Variants in TNPO2 observed in about 807,000 individuals in gnomAD.
TNPO2 encodes transportin 2.
TNPO2 carries 16 observed loss-of-function variants against 111.1 expected under a neutral mutation model. The ratio of observed to expected loss-of-function variants is 0.14; its 90% CI spans 0.10 to 0.22. The LOEUF (loss-of-function observed/expected upper bound fraction) is 0.22. Among genes scored for constraint, TNPO2 ranks in the 10% least tolerant of loss-of-function variants. The pLI is 1.00. For missense variants in TNPO2, 530 were observed against 1,173.7 expected (o/e 0.45, Z 8.01); for synonymous variants, 481 against 475.8 (o/e 1.01, Z -0.14).
In TNPO2 at chr19:12,719,843, G is replaced by C. The variant is rs149248284; in HGVS notation, c.100-507C>G. Among the ~76,000 whole-genome samples the C allele has an allele frequency of 1.0e-3, 157 of 151,448 alleles. 3 individuals are homozygous for C. The East Asian group carries it at 0.028, about 27-fold the overall frequency. On this transcript the variant is annotated intron_variant, in intron 3 of 25. Transcript: ENST00000425528. The surrounding 1 kb of genome is among the most constrained non-coding windows in gnomAD (Gnocchi z 5.0). ...CAAGGAGTTGGGTGGAAATGTCTGA[G>C]TTTCCCATCCACTCCTGAAGACCCA... is the stretch of plus-strand genomic sequence containing the variant.
rs1436319021 is a variant in TNPO2 at position 12,721,236 on chromosome 19, G to A, written c.-13-246C>T. ...AACGGGCCACAGGCGGCGGCGGCGG[G>A]GCCCGGCGGATCCTCATGGGACCCA... On this transcript the variant is annotated intron_variant, in intron 2 of 25. Coordinates refer to ENST00000425528, the MANE Select transcript of TNPO2 (RefSeq NM_001382241.1). The surrounding 1 kb of genome is among the most constrained non-coding windows in gnomAD (Gnocchi z 4.9). The A allele has an allele frequency of 7.6e-7, 1 of 1,309,068 alleles. No homozygotes were observed. Among genetic ancestry groups the A allele is most frequent in the South Asian group, 1.6e-5 (1 of 63,278 alleles). The allele number at this position is 1,309,068 out of a possible 1,614,324, so 81.1% of individuals were successfully genotyped here. A position where few individuals can be genotyped will look rare whatever the true frequency, so the allele number is the denominator to read the frequency against.
At chr19:12,708,824 T>C (rs956650366) in intron 13 of TNPO2, among the ~76,000 whole-genome samples, 1 of 151,658 alleles carries the variant, frequency 6.6e-6, no homozygotes, top group African/African-American at 2.4e-5. Context: ...TGAGTCAAGA[T>C]TGCGCCATTG....
chr19:12,718,407 C>T (rs373636189), intron 5 of TNPO2, among the ~76,000 whole-genome samples: 20 of 152,108 alleles, frequency 1.3e-4, no homozygotes, highest in Non-Finnish European at 2.8e-4. Flanking sequence ...CCTTGTGATC[C>T]GCCCACCTCA....
chr19:12,718,171 AT>A (rs112380697), intron 5 of TNPO2, among the ~76,000 whole-genome samples: 17,696 of 141,598 alleles, frequency 0.12, 3,035 homozygotes, highest in African/African-American at 0.4. Flanking sequence ...CGCCCAGCTA[AT>A]TTTTTTTTTT....
At position 12,706,061 on chromosome 19, in the gene TNPO2, G is replaced by T. The variant is rs1461947748; in HGVS notation, c.1668+135C>A. The T allele has an allele frequency of 2.0e-6, 2 of 986,080 alleles. No individual in the cohort carries two copies. The highest frequency in any genetic ancestry group is 1.6e-5 in the African/African-American group (1 of 61,488). The allele number at this position is 986,080 out of a possible 1,614,324, so 61.1% of individuals were successfully genotyped here. ...CCCCACTAGACTGGGAGCAGGGCGA[G>T]GGCGGGGCCGGGTCTGTCTGTCTGC... On this transcript the variant is annotated intron_variant, in intron 15 of 25. Coordinates refer to ENST00000425528, the MANE Select transcript of TNPO2 (RefSeq NM_001382241.1). The surrounding 1 kb of genome is among the most constrained non-coding windows in gnomAD (Gnocchi z 7.0).
Position 12,702,730 on chromosome 19 carries a change from T to C in TNPO2, c.2305+93A>G. The C allele has an allele frequency of 8.4e-7, 1 of 1,196,188 alleles. No homozygotes were observed. The highest frequency in any genetic ancestry group is 1.2e-6 in the Non-Finnish European group (1 of 816,160). 74.1% of individuals were successfully genotyped at this position (1,196,188 alleles called of 1,614,324 possible). A position where few individuals can be genotyped will look rare whatever the true frequency, so the allele number is the denominator to read the frequency against. The stretch of plus-strand genomic sequence containing the variant: ...ACTTCCAGACACCCTCCTTGGTTCC[T>C]TGACAAGGCTCTTTCTGATGCCCTT... On this transcript the variant is annotated intron_variant, in intron 21 of 25. Transcript: ENST00000425528. The surrounding 1 kb of genome is among the most constrained non-coding windows in gnomAD (Gnocchi z 5.5).
In TNPO2 at chr19:12,701,743, T is replaced by G. The variant is rs758717428; in HGVS notation, c.2511+9A>C. ...CCCGCGCCTGCCCTCAGAGCCCAGCTGCCCCAACCTGCACAACGCCCCCCG... is the reference window on the plus strand; with the variant it reads ...CCCGCGCCTGCCCTCAGAGCCCAGCGGCCCCAACCTGCACAACGCCCCCCG... On this transcript the variant is annotated intron_variant, in intron 23 of 25. Transcript: ENST00000425528. This position sits in a 1 kb window ranked among gnomAD's most constrained non-coding sequence, Gnocchi z 5.0. 20 of 1,613,500 alleles carry G rather than the reference T, an allele frequency of 1.2e-5. No homozygotes were observed. The highest frequency in any genetic ancestry group is 3.3e-5 in the Admixed American group (2 of 60,004).
chr19:12,713,482 G>GATAA (rs112781674), intron 10 of TNPO2, among the ~76,000 whole-genome samples: 7,970 of 146,354 alleles, frequency 0.054, 278 homozygotes, highest in Admixed American at 0.11. Context: ...TCTAATGAAT[G>GATAA]ATAAATAAAT....
chr19:12,716,149 G>A (rs561736649), intron 5 of TNPO2, among the ~76,000 whole-genome samples: 100 of 152,288 alleles, frequency 6.6e-4, no homozygotes, highest in Admixed American at 1.7e-3. Context: ...GAGATTACAG[G>A]CGTGAGCCAC....
chr19:12,710,889 C>CTT, intron 12 of TNPO2, 116 bp from the exon 13 acceptor site: 2 of 1,103,378 alleles, frequency 1.8e-6, no homozygotes, highest in Non-Finnish European at 2.5e-6. Context: ...CGATCAGCTT[C>CTT]TTTTTTTTTG....
In TNPO2 at chr19:12,702,205, T is replaced by C. The variant is rs1313144007; in HGVS notation, c.2306-28A>G. ...GCAACCCCGAGCGGCCCCGGGACGG[T>C]ACGTGGCGGGGCCTCTGGCACAAGG... is the stretch of plus-strand genomic sequence containing the variant. On this transcript the variant is annotated intron_variant, in intron 21 of 25. Coordinates refer to ENST00000425528, the MANE Select transcript of TNPO2 (RefSeq NM_001382241.1). This position sits in a 1 kb window ranked among gnomAD's most constrained non-coding sequence, Gnocchi z 5.5. 1 of 1,589,540 alleles carries C rather than the reference T, an allele frequency of 6.3e-7. No homozygotes were observed. The highest frequency in any genetic ancestry group is 1.3e-5 in the African/African-American group (1 of 74,358).
chr19:12,707,315 G>A (rs561146835), intron 13 of TNPO2, among the ~76,000 whole-genome samples: 2 of 152,156 alleles, frequency 1.3e-5, no homozygotes, highest in East Asian at 3.9e-4. Flanking sequence ...CCGTGTTATT[G>A]CGTTAATTCA....
Position 12,701,610 on chromosome 19 carries a change from G to A in TNPO2, c.2574C>T (p.Asp858=). 1 of 1,613,688 alleles carries A rather than the reference G, an allele frequency of 6.2e-7. No homozygotes were observed. The change falls in exon 24 of 26, where the codon GAC becomes GAT. Residue 858 remains aspartate, a synonymous_variant. Coordinates refer to ENST00000425528, the MANE Select transcript of TNPO2 (RefSeq NM_001382241.1). The surrounding 1 kb of genome is among the most constrained non-coding windows in gnomAD (Gnocchi z 5.0). ...GACAGAGCCTCACCTTATAAAACATGTCCCGAAGGTCATCCTTCGGGCTCA... is the reference window on the plus strand; with the variant it reads ...GACAGAGCCTCACCTTATAAAACATATCCCGAAGGTCATCCTTCGGGCTCA... The part of the protein sequence containing the change: ...SWVSPKDDLR[D]MFYKILHGFK...
rs944691757 is a variant in TNPO2 at position 12,708,243 on chromosome 19, G to A, written c.1271-1448C>T. On this transcript the variant is annotated intron_variant, in intron 13 of 25. Transcript: ENST00000425528. ...TGCCTCCCAGGTTCAAGTGATTGTCGTGCCTCAGCCTCCCAATAGCTAGGA... is the reference window on the plus strand; with the variant it reads ...TGCCTCCCAGGTTCAAGTGATTGTCATGCCTCAGCCTCCCAATAGCTAGGA... 3.3e-5 allele frequency among the ~76,000 whole-genome samples: 5 copies of A among 151,900 alleles called. No homozygotes were observed. The South Asian group carries it at 6.2e-4, about 19-fold the overall frequency.
rs1380096788 is a variant in TNPO2, at chr19:12,711,282, G to A, written c.1117+14C>T. 2 of 1,609,644 alleles carry A rather than the reference G, an allele frequency of 1.2e-6. No homozygotes were observed. Among genetic ancestry groups the A allele is most frequent in the Non-Finnish European group, 1.7e-6 (2 of 1,177,204 alleles). On this transcript the variant is annotated intron_variant, in intron 12 of 25. Coordinates refer to ENST00000425528, the MANE Select transcript of TNPO2 (RefSeq NM_001382241.1). ...CTTGCCACCCCACCACCACCCCCAG[G>A]CAGGGGCACACACTCAAATTCCAGT...
At position 12,720,991 on chromosome 19, in the gene TNPO2, C is replaced by T; in HGVS notation, c.-13-1G>A. The T allele has an allele frequency of 6.4e-7, 1 of 1,567,056 alleles. No individual in the cohort carries two copies. Among genetic ancestry groups the T allele is most frequent in the Non-Finnish European group, 8.6e-7 (1 of 1,160,222 alleles). ...CTGCCAGTCCATGGCGCAAGGCAAGCTGCGGAGGTAGGGGCCGGGGTCAGC... is the reference window on the plus strand; with the variant it reads ...CTGCCAGTCCATGGCGCAAGGCAAGTTGCGGAGGTAGGGGCCGGGGTCAGC... On this transcript the variant is annotated splice_acceptor_variant, in intron 2 of 25. Transcript: ENST00000425528. LOFTEE classifies it low-confidence loss of function (5UTR_SPLICE).
chr19:12,722,869 G>T (rs1389547309), intron 2 of TNPO2, among the ~76,000 whole-genome samples: 2 of 152,184 alleles, frequency 1.3e-5, no homozygotes, highest in African/African-American at 2.4e-5. Context: ...TTGGTAGCGC[G>T]TGGGGACTTT....
Position 12,719,363 on chromosome 19 carries a change from G to C in TNPO2, c.100-27C>G, listed in dbSNP as rs1335312913. 6.2e-7 allele frequency: 1 copy of C among 1,605,228 alleles called. No homozygotes were observed. Among genetic ancestry groups the C allele is most frequent in the Non-Finnish European group, 8.5e-7 (1 of 1,172,384 alleles). On this transcript the variant is annotated intron_variant, in intron 3 of 25. Coordinates refer to ENST00000425528, the MANE Select transcript of TNPO2 (RefSeq NM_001382241.1). This position sits in a 1 kb window ranked among gnomAD's most constrained non-coding sequence, Gnocchi z 5.0. ...TGCCAGGCTGTTAAGGGACTTGGAA[G>C]ACAGAGGCCTTCCCCCAGCCAGGTC... is the stretch of plus-strand genomic sequence containing the variant.
chr19:12,712,353 G>A (rs887113372), intron 10 of TNPO2, among the ~76,000 whole-genome samples: 2 of 152,122 alleles, frequency 1.3e-5, no homozygotes, highest in East Asian at 1.9e-4. Context: ...CCTTTCCCCG[G>A]GGGAGTTTAG....
Sources: gnomAD v4.1 joint callset for allele counts (sites outside exome capture counted in the v4.1 genomes callset) on GRCh38, gnomAD v4.1.1 for gene constraint, Gnocchi (gnomAD v3.1) non-coding constraint, MANE v1.5 for transcripts, NCBI Gene and HGNC (gene_info 2026-07-23, HGNC 2026-07-21) for gene names.